Variants in UBE2D1 observed in about 807,000 individuals in gnomAD.
UBE2D1 encodes the protein ubiquitin conjugating enzyme E2 D1, also known as ubiquitin-conjugating enzyme E2 D1.
A neutral mutation model predicts 24.6 loss-of-function variants in UBE2D1; 9 were observed. The ratio of observed to expected loss-of-function variants is 0.37; its 90% CI spans 0.22 to 0.64. The LOEUF (loss-of-function observed/expected upper bound fraction) is 0.64. Among genes scored for constraint, UBE2D1 ranks in the 30% least tolerant of loss-of-function variants. UBE2D1 has a pLI of 0.64. For missense variants in UBE2D1, 87 were observed against 177.1 expected, an observed-to-expected ratio of 0.49 and a Z score of 2.89; for synonymous variants, 57 against 57.6, an observed-to-expected ratio of 0.99 and a Z score of 0.04.
At chr10:58,340,511 T>A (rs913603258) in intron 1 of UBE2D1, among the ~76,000 whole-genome samples, 1 of 152,208 alleles carries the variant, frequency 6.6e-6, no homozygotes, top group African/African-American at 2.4e-5. Flanking sequence ...TTTGTATGAC[T>A]TTACTTTTTA....
At chr10:58,365,100 C>G (rs112368744) in intron 5 of UBE2D1, among the ~76,000 whole-genome samples, 35 of 152,208 alleles carry the variant, frequency 2.3e-4, no homozygotes, top group African/African-American at 8.4e-4. Flanking sequence ...GAGAAAAAAC[C>G]TTAAAATATC....
At position 58,359,013 on chromosome 10, in the gene UBE2D1, T is replaced by TAA. The variant is rs35713196; in HGVS notation, c.25-2307_25-2306dup. On this transcript the variant is annotated intron_variant, in intron 1 of 6. Transcript: ENST00000373910. ...AGGAAGAGAAACCGCACCAGCTATT[T>TAA]AAAAAAAAAAAAAAAAAAAGCAAAA... 9.3e-3 allele frequency among the ~76,000 whole-genome samples: 1,073 copies of TAA among 115,108 alleles called. 7 individuals are homozygous for TAA. Among genetic ancestry groups the TAA allele is most frequent in the African/African-American group, 0.018 (530 of 29,494 alleles). 75.5% of individuals were successfully genotyped at this position (115,108 alleles called of 152,430 possible). A position where few individuals can be genotyped will look rare whatever the true frequency, so the allele number is the denominator to read the frequency against.
intron 1 of UBE2D1, among the ~76,000 whole-genome samples, chr10:58,347,639 C>CTTTTTTTTTTTT (rs774396274): frequency 3.3e-4 from 38 of 116,240 alleles, no homozygotes; most frequent in African/African-American, 1.2e-3. Flanking sequence ...AAATTACACT[C>CTTTTTTTTTTTT]TTTTTTTTTT....
At position 58,335,065 on chromosome 10, in the gene UBE2D1, AG is replaced by A; in HGVS notation, c.-136del. ...GGAGCAGGGACCGGCGCCCGGAGCGAGCCAGGGAGCGGCTAACCGGGGACCC... is the reference window on the plus strand; with the variant it reads ...GGAGCAGGGACCGGCGCCCGGAGCGACCAGGGAGCGGCTAACCGGGGACCC... On this transcript the variant is annotated 5_prime_UTR_variant, in exon 1 of 7. Coordinates refer to ENST00000373910, the MANE Select transcript of UBE2D1 (RefSeq NM_003338.5). 1.1e-6 allele frequency: 1 copy of A among 906,632 alleles called. No homozygotes were observed. Among genetic ancestry groups the A allele is most frequent in the Non-Finnish European group, 1.7e-6 (1 of 599,188 alleles). The allele number at this position is 906,632 out of a possible 1,614,324, so 56.2% of individuals were successfully genotyped here. A position where few individuals can be genotyped will look rare whatever the true frequency, so the allele number is the denominator to read the frequency against.
At chr10:58,351,951 A>G (rs1045117707) in intron 1 of UBE2D1, among the ~76,000 whole-genome samples, 1 of 152,116 alleles carries the variant, frequency 6.6e-6, no homozygotes, top group Middle Eastern at 3.2e-3. Context: ...TGATTGAGAC[A>G]TTATGTGGCA....
At chr10:58,342,833 T>G (rs1298040576) in intron 1 of UBE2D1, among the ~76,000 whole-genome samples, 8 of 148,752 alleles carry the variant, frequency 5.4e-5, no homozygotes, top group Non-Finnish European at 1.0e-4. Flanking sequence ...GTTTTTTTTT[T>G]GTTTTTTTTT....
chr10:58,364,988 GTT>G (rs1840239735), intron 5 of UBE2D1, 112 bp downstream of exon 5: 1 of 844,236 alleles, frequency 1.2e-6, no homozygotes, highest in Admixed American at 2.8e-5. Context: ...GCTTTCTCCT[GTT>G]TTGATTTTGT....
At position 58,365,979 on chromosome 10, in the gene UBE2D1, T is replaced by C. The variant is rs528995443; in HGVS notation, c.304+1103T>C. 2.0e-5 allele frequency among the ~76,000 whole-genome samples: 3 copies of C among 152,362 alleles called. No homozygotes were observed. In the East Asian group the frequency reaches 5.8e-4, roughly 29 times the overall value. On this transcript the variant is annotated intron_variant, in intron 5 of 6. Transcript: ENST00000373910. ...TTTCAGTTCAATTATTTATGAACGA[T>C]AGTTTTTCTGACCTAAGATGCTCAT... is the stretch of plus-strand genomic sequence containing the variant.
chr10:58,351,042 A>G (rs1465211829), intron 1 of UBE2D1, among the ~76,000 whole-genome samples: 1 of 152,182 alleles, frequency 6.6e-6, no homozygotes, highest in African/African-American at 2.4e-5. Flanking sequence ...AAAAAATGGT[A>G]TGCCTGTATA....
intron 1 of UBE2D1, among the ~76,000 whole-genome samples, chr10:58,350,753 G>A (rs1012872583): frequency 5.9e-5 from 9 of 152,062 alleles, no homozygotes; most frequent in African/African-American, 2.2e-4. Flanking sequence ...TTTTTGTATA[G>A]TCATGCATTG....
chr10:58,341,269 A>T (rs1210464457), intron 1 of UBE2D1, among the ~76,000 whole-genome samples: 3 of 152,164 alleles, frequency 2.0e-5, no homozygotes, highest in Non-Finnish European at 4.4e-5. Context: ...TGAGTAGTAA[A>T]CTGTTCATAT....
At chr10:58,343,527 A>G (rs1051708509) in intron 1 of UBE2D1, among the ~76,000 whole-genome samples, 9 of 152,232 alleles carry the variant, frequency 5.9e-5, no homozygotes, top group African/African-American at 1.2e-4. Context: ...CCATACAACC[A>G]TACATATACA....
intron 1 of UBE2D1, among the ~76,000 whole-genome samples, chr10:58,360,070 T>G (rs1210343967): frequency 6.6e-6 from 1 of 152,188 alleles, no homozygotes; most frequent in Non-Finnish European, 1.5e-5. Context: ...ACCCCCTACC[T>G]AATGCATTTG....
intron 1 of UBE2D1, among the ~76,000 whole-genome samples, chr10:58,350,396 G>A (rs72797426): frequency 1.6e-4 from 6 of 36,446 alleles, no homozygotes; most frequent in African/African-American, 1.4e-3. Context: ...ATATATATAT[G>A]TGTATTGGCC....
chr10:58,345,752 A>T (rs1490966561), intron 1 of UBE2D1, among the ~76,000 whole-genome samples: 1 of 152,142 alleles, frequency 6.6e-6, no homozygotes, highest in Non-Finnish European at 1.5e-5. Context: ...AATTTGATAT[A>T]GGTTGGGAAG....
intron 5 of UBE2D1, 35 bp downstream of exon 5, chr10:58,364,911 A>G (rs1172085423): frequency 3.3e-6 from 5 of 1,515,598 alleles, no homozygotes; most frequent in Non-Finnish European, 4.6e-6. Context: ...ACAGTTGATA[A>G]CAGTGAGACA....
chr10:58,348,323 G>A (rs1194499445), intron 1 of UBE2D1, among the ~76,000 whole-genome samples: 1 of 152,170 alleles, frequency 6.6e-6, no homozygotes, highest in Admixed American at 6.5e-5. Flanking sequence ...ACTGGATAAG[G>A]AGATCAGGGC....
In UBE2D1 at chr10:58,361,391, G is replaced by T; in HGVS notation, c.78G>T (p.Val26=). The change falls in exon 2 of 7, where the codon GTG becomes GTT. Residue 26 remains valine (V), a synonymous_variant. Coordinates refer to ENST00000373910, the MANE Select transcript of UBE2D1 (RefSeq NM_003338.5). ...DPPAHCSAGP[V]GDDLFHWQAT... ...CTGCTCACTGTTCAGCTGGACCTGT[G>T]GGAGATGACTGTAAGCCTTGCTCTA... is the stretch of plus-strand genomic sequence containing the variant. 1 of 1,614,148 alleles carries T rather than the reference G, an allele frequency of 6.2e-7. No individual in the cohort carries two copies. The highest frequency in any genetic ancestry group is 8.5e-7 in the Non-Finnish European group (1 of 1,180,034).
chr10:58,363,076 A>T (rs1365091811), intron 3 of UBE2D1, among the ~76,000 whole-genome samples: 1 of 152,132 alleles, frequency 6.6e-6, no homozygotes, highest in African/African-American at 2.4e-5. Context: ...TTTATAAATA[A>T]TTACTAAACG....
Sources: allele counts gnomAD v4.1 joint callset (sites outside exome capture counted in the v4.1 genomes callset), GRCh38; gene constraint gnomAD v4.1.1; transcripts MANE v1.5; gene names NCBI Gene and HGNC (gene_info 2026-07-23, HGNC 2026-07-21).